SLITRK2: variants seen among roughly 807,000 people sequenced by gnomAD.
SLITRK2 encodes SLIT and NTRK like family member 2, also known as SLIT and NTRK-like protein 2.
A neutral mutation model predicts 35.4 loss-of-function variants in SLITRK2; 13 were observed. The ratio of observed to expected loss-of-function variants is 0.37; its 90% confidence interval spans 0.24 to 0.58. SLITRK2 has a LOEUF of 0.58. SLITRK2 is among the 20% of genes least tolerant of loss of function. The probability of loss-of-function intolerance (pLI) is 0.75; values close to 1 mark genes in which losing one functional copy is unlikely to be tolerated. For synonymous variants in SLITRK2, 294 were observed against 264.7 expected, an observed-to-expected ratio of 1.11 and a Z score of -1.07; for missense variants, 471 against 634.3, an observed-to-expected ratio of 0.74 and a Z score of 2.76.
In SLITRK2 at chrX:145,825,144, A is replaced by C; in HGVS notation, c.*181A>C. ...GCTTTTGCAAGTTTTCCTTTAAATT[A>C]TTTCTCTCTCGCTCTCCTCCCCTCC... On this transcript the variant is annotated 3_prime_UTR_variant, in exon 5 of 5. Transcript: ENST00000335565. 3.5e-6 allele frequency: 1 copy of C among 287,787 alleles called. No homozygotes were observed. The allele number at this position is 287,787 out of a possible 1,213,427, so 23.7% of individuals were successfully genotyped here.
rs144797253 is a variant in SLITRK2, at chrX:145,823,262, C to T, written c.837C>T (p.Asp279=). 618 of 1,209,912 alleles carry T rather than the reference C, an allele frequency of 5.1e-4. No individual in the cohort carries two copies. The highest frequency in any genetic ancestry group is 5.7e-4 in the Non-Finnish European group (510 of 895,245). ...CCAGTCAGAGGGGCAGCCATGCTGA[C>T]ACCCACGTCCAAAGGCTGTCACCTA... ...SDSSQRGSHA[D]THVQRLSPTM... The change falls in exon 5 of 5, where the codon GAC becomes GAT. Residue 279 remains aspartate (D), a synonymous_variant. Coordinates refer to ENST00000335565, the MANE Select transcript of SLITRK2 (RefSeq NM_032539.5).
Position 145,827,903 on chromosome X carries a change from T to G in SLITRK2, c.*2940T>G. On this transcript the variant is annotated 3_prime_UTR_variant, in exon 5 of 5. Coordinates refer to ENST00000335565, the MANE Select transcript of SLITRK2 (RefSeq NM_032539.5). ...ATTGCTATTTCACTTTTATTTCACA[T>G]GCAGCTTTAAGACGTATGAGCATCA... The G allele has an allele frequency of 3.3e-6, 4 of 1,211,824 alleles. No homozygotes were observed.
In SLITRK2 at chrX:145,824,177, G is replaced by C. The variant is rs782738872; in HGVS notation, c.1752G>C (p.Leu584Phe). 71 of 1,207,812 alleles carry C rather than the reference G, an allele frequency of 5.9e-5. No individual in the cohort carries two copies. Among genetic ancestry groups the C allele is most frequent in the Non-Finnish European group, 7.7e-5 (69 of 894,325 alleles). ...REAICPDSPN[L>F]SDGTVLSMNH... ...CTATCTGTCCAGACAGCCCAAACTT[G>C]TCAGATGGAACCGTCTTGTCAATGA... Residue 584 changes from leucine to phenylalanine, a missense_variant, in exon 5 of 5, where the codon TTG becomes TTC. By Grantham distance (22) the Leu-to-Phe change is conservative. Around this residue, in one of 7 missense-constraint regions of SLITRK2, gnomAD observed 190 missense variants for 199.3 expected, o/e 0.95. Coordinates refer to ENST00000335565, the MANE Select transcript of SLITRK2 (RefSeq NM_032539.5).
In SLITRK2 at chrX:145,826,970, C is replaced by G. The variant is rs185074681; in HGVS notation, c.*2007C>G. 1 of 111,638 alleles carries G rather than the reference C, an allele frequency of 9.0e-6. No homozygotes were observed. The highest frequency in any genetic ancestry group is 2.8e-4 in the East Asian group (1 of 3,567). The allele number at this position is 111,638 out of a possible 1,213,427, so 9.2% of individuals were successfully genotyped here. ...GAAGGTAATTGTGTGTATATAATAACGTAAAGGGCATTGAAGAGAAACATA... is the reference window on the plus strand; with the variant it reads ...GAAGGTAATTGTGTGTATATAATAAGGTAAAGGGCATTGAAGAGAAACATA... On this transcript the variant is annotated 3_prime_UTR_variant, in exon 5 of 5. Transcript: ENST00000335565.
At position 145,827,768 on chromosome X, in the gene SLITRK2, A is replaced by T; in HGVS notation, c.*2805A>T. ...TGCAATCATAAACATTTTAAGTTTT[A>T]TTAACTCACTAGCATCCCCACTGAC... On this transcript the variant is annotated 3_prime_UTR_variant, in exon 5 of 5. Transcript: ENST00000335565. 8.3e-7 allele frequency: 1 copy of T among 1,208,892 alleles called. No homozygotes were observed. Among genetic ancestry groups the T allele is most frequent in the East Asian group, 3.0e-5 (1 of 33,772 alleles).
Position 145,822,673 on chromosome X carries a change from T to C in SLITRK2, c.248T>C (p.Val83Ala), listed in dbSNP as rs2073044223. 1 of 1,209,830 alleles carries C rather than the reference T, an allele frequency of 8.3e-7. No individual in the cohort carries two copies. Among genetic ancestry groups the C allele is most frequent in the Non-Finnish European group, 1.1e-6 (1 of 895,272 alleles). ...LLTRLYPNEF[V>A]NYSNAVTLHL... ...ACAAGACTGTATCCAAACGAATTTG[T>C]CAATTACTCCAACGCGGTGACTCTT... The change falls in exon 5 of 5, where the codon GTC (valine) becomes GCC (alanine). Residue 83 changes from valine (V) to alanine (A), a missense_variant. Around this residue, in one of 7 missense-constraint regions of SLITRK2, gnomAD observed 98 missense variants for 120.6 expected, o/e 0.81. Transcript: ENST00000335565.
rs1556943730 is a variant in SLITRK2 at position 145,822,569 on chromosome X, C to T, written c.144C>T (p.Asn48=). ...KENVLNINCE[N]KGFTTVSLLQ... ...ACGTACTGAATATCAACTGTGAGAA[C>T]AAAGGATTTACAACAGTTAGCCTGC... Residue 48 remains asparagine (N), a synonymous_variant, in exon 5 of 5, where the codon AAC becomes AAT. Coordinates refer to ENST00000335565, the MANE Select transcript of SLITRK2 (RefSeq NM_032539.5). 2.5e-6 allele frequency: 3 copies of T among 1,211,634 alleles called. No homozygotes were observed. The highest frequency in any genetic ancestry group is 5.9e-5 in the East Asian group (2 of 33,817).
rs2073131341 is a variant in SLITRK2, at chrX:145,826,765, C to T, written c.*1802C>T. 9.0e-6 allele frequency: 1 copy of T among 111,731 alleles called. No homozygotes were observed. Among genetic ancestry groups the T allele is most frequent in the Non-Finnish European group, 1.9e-5 (1 of 53,045 alleles). The allele number at this position is 111,731 out of a possible 1,213,427, so 9.2% of individuals were successfully genotyped here. On this transcript the variant is annotated 3_prime_UTR_variant, in exon 5 of 5. Coordinates refer to ENST00000335565, the MANE Select transcript of SLITRK2 (RefSeq NM_032539.5). ...GTTACTGCACATAATAATCCTTTAT[C>T]GTCATGTGGAGATTGAAGTGGATAC...
At position 145,828,143 on chromosome X, in the gene SLITRK2, C is replaced by A. The variant is rs1355742069; in HGVS notation, c.*3180C>A. The A allele has an allele frequency of 3.2e-6, 2 of 625,325 alleles. No homozygotes were observed. Among genetic ancestry groups the A allele is most frequent in the Non-Finnish European group, 2.3e-6 (1 of 426,105 alleles). 51.5% of individuals were successfully genotyped at this position (625,325 alleles called of 1,213,427 possible). On this transcript the variant is annotated 3_prime_UTR_variant, in exon 5 of 5. Coordinates refer to ENST00000335565, the MANE Select transcript of SLITRK2 (RefSeq NM_032539.5). ...TCAGTATGAACACAATTGCTAAGAG[C>A]CTAATTTGGTTCTGGACTATGGTCA...
Position 145,821,666 on chromosome X carries a change from T to A in SLITRK2, c.-411T>A, listed in dbSNP as rs969475264. The A allele has an allele frequency of 9.0e-6, 1 of 111,658 alleles. No homozygotes were observed. Among genetic ancestry groups the A allele is most frequent in the Non-Finnish European group, 1.9e-5 (1 of 53,120 alleles). 9.2% of individuals were successfully genotyped at this position (111,658 alleles called of 1,213,427 possible). A position where few individuals can be genotyped will look rare whatever the true frequency, so the allele number is the denominator to read the frequency against. On this transcript the variant is annotated 5_prime_UTR_variant, in exon 3 of 5. Transcript: ENST00000335565. ...ACAGAATCGCACCCCAGTCCCTCCC[T>A]GGCAGCTCGGCTTCCCTCAGCTCCA... is the stretch of plus-strand genomic sequence containing the variant.
rs1435702510 is a variant in SLITRK2, at chrX:145,825,637, G to A, written c.*674G>A. 1.6e-5 allele frequency: 2 copies of A among 123,514 alleles called. No homozygotes were observed. Among genetic ancestry groups the A allele is most frequent in the Admixed American group, 9.5e-5 (1 of 10,580 alleles). The allele number at this position is 123,514 out of a possible 1,213,427, so 10.2% of individuals were successfully genotyped here. On this transcript the variant is annotated 3_prime_UTR_variant, in exon 5 of 5. Coordinates refer to ENST00000335565, the MANE Select transcript of SLITRK2 (RefSeq NM_032539.5). ...GATGTGTCAGCTATATTAAGTCAAC[G>A]TACAGTTTGCTTGAGTTATAGAAAC...
intron 1 of SLITRK2, 51 bp from the exon 2 acceptor site, chrX:145,820,423 G>A (rs1184529126): frequency 3.6e-5 from 4 of 112,558 alleles, no homozygotes; most frequent in Non-Finnish European, 7.5e-5. Flanking sequence ...AACCCGCATT[G>A]GATATCAGAG....
intron 1 of SLITRK2, chrX:145,818,584 C>A (rs192815691): frequency 1.6e-4 from 18 of 112,791 alleles, no homozygotes; most frequent in African/African-American, 5.8e-4. Flanking sequence ...GCAGTGCCCC[C>A]TCTCTGGTTC....
chrX:145,818,672 C>T (rs1469275000), intron 1 of SLITRK2: 1 of 112,739 alleles, frequency 8.9e-6, no homozygotes, highest in Non-Finnish European at 1.9e-5. Context: ...CGGCACCCAC[C>T]GTGTCCTGTG....
rs2073015550 is a variant in SLITRK2, at chrX:145,821,461, T to C, written c.-616T>C. Reference sequence around the variant, plus strand: ...ACCCTCCCCCACCGCGCGCCCTGGATCCTCTGCCTGCCCCCTCCCCCGTGA... The same window carrying C: ...ACCCTCCCCCACCGCGCGCCCTGGACCCTCTGCCTGCCCCCTCCCCCGTGA... On this transcript the variant is annotated 5_prime_UTR_variant, in exon 3 of 5. Coordinates refer to ENST00000335565, the MANE Select transcript of SLITRK2 (RefSeq NM_032539.5). 9.1e-6 allele frequency: 1 copy of C among 109,920 alleles called. No homozygotes were observed. The highest frequency in any genetic ancestry group is 3.3e-5 in the African/African-American group (1 of 30,135). 9.1% of individuals were successfully genotyped at this position (109,920 alleles called of 1,213,427 possible).
At chrX:145,821,111 T>TCA (rs2073001473) in intron 2 of SLITRK2, 1 of 65,262 alleles carries the variant, frequency 1.5e-5, no homozygotes, top group African/African-American at 6.5e-5. Flanking sequence ...ACTCTCTCTC[T>TCA]CTCTCTCTCT....
rs1556945144 is a variant in SLITRK2, at chrX:145,824,709, C to T, written c.2284C>T (p.Arg762Ter). ...PELLYQNIAERVKELPSAGLV... is the reference protein window; with the variant it reads ...PELLYQNIAE ...GCTGCTGTATCAAAATATTGCTGAGCGAGTCAAGGAACTTCCCAGCGCAGG... is the reference window on the plus strand; with the variant it reads ...GCTGCTGTATCAAAATATTGCTGAGTGAGTCAAGGAACTTCCCAGCGCAGG... The change falls in exon 5 of 5, where the codon CGA (arginine) becomes TGA (stop). Residue 762 changes from arginine (R) to a stop codon, truncating the protein, a stop_gained. Transcript: ENST00000335565. LOFTEE classifies it high-confidence loss of function. The T allele has an allele frequency of 3.3e-6, 4 of 1,211,414 alleles. No homozygotes were observed. Among genetic ancestry groups the T allele is most frequent in the East Asian group, 3.0e-5 (1 of 33,832 alleles).
rs1211329894 is a variant in SLITRK2 at position 145,825,513 on chromosome X, A to C, written c.*550A>C. 1 of 123,662 alleles carries C rather than the reference A, an allele frequency of 8.1e-6. No individual in the cohort carries two copies. Among genetic ancestry groups the C allele is most frequent in the Non-Finnish European group, 1.9e-5 (1 of 53,402 alleles). The allele number at this position is 123,662 out of a possible 1,213,427, so 10.2% of individuals were successfully genotyped here. A position where few individuals can be genotyped will look rare whatever the true frequency, so the allele number is the denominator to read the frequency against. On this transcript the variant is annotated 3_prime_UTR_variant, in exon 5 of 5. Transcript: ENST00000335565. ...CTACTTTGTGTTAAAGTGCCTTCGC[A>C]CTTTAAGTACATTACTTAAATGTTG...
Position 145,824,494 on chromosome X carries a change from C to G in SLITRK2, c.2069C>G (p.Pro690Arg), listed in dbSNP as rs376387668. ...GGCCATGTCTACAACTATATCCCCC[C>G]ACCTGTGGGTCAGATGTGCCAAAAC... The part of the protein sequence containing the change: ...TDGHVYNYIP[P>R]PVGQMCQNPI... The change falls in exon 5 of 5, where the codon CCA (proline) becomes CGA (arginine). Residue 690 changes from proline (P) to arginine (R), a missense_variant. Physicochemically the swap from Pro to Arg is moderately radical, Grantham distance 103. Coordinates refer to ENST00000335565, the MANE Select transcript of SLITRK2 (RefSeq NM_032539.5). 7 of 1,209,093 alleles carry G rather than the reference C, an allele frequency of 5.8e-6. No homozygotes were observed. The highest frequency in any genetic ancestry group is 7.8e-6 in the Non-Finnish European group (7 of 895,053).
Sources: gnomAD v4.1 joint callset for allele counts on GRCh38, gnomAD v4.1.1 for gene constraint, gnomAD v4.1.1 regional missense constraint, MANE v1.5 for transcripts, NCBI Gene and HGNC (gene_info 2026-07-23, HGNC 2026-07-21) for gene names.